SLC15A1: variants seen among roughly 807,000 people sequenced by gnomAD.
SLC15A1 encodes the protein Caco-2 oligopeptide transporter.
In SLC15A1, 83 loss-of-function variants were observed where a neutral mutation model predicts 92.9. The ratio of observed to expected loss-of-function variants is 0.89; its 90% CI spans 0.75 to 1.07. The LOEUF (loss-of-function observed/expected upper bound fraction) is 1.07. Ranked by LOEUF, SLC15A1 falls within the 50% of genes least tolerant of loss-of-function variation. SLC15A1 has a pLI of 0.00. For synonymous variants in SLC15A1, 322 were observed against 318.2 expected, an observed-to-expected ratio of 1.01 and a Z score of -0.13; for missense variants, 857 against 880.1, an observed-to-expected ratio of 0.97 and a Z score of 0.33.
intron 18 of SLC15A1, among the ~76,000 whole-genome samples, chr13:98,698,612 T>C (rs1329347529): frequency 1.3e-5 from 2 of 152,112 alleles, no homozygotes; most frequent in Non-Finnish European, 2.9e-5. Flanking sequence ...AATTTTTGTA[T>C]TTTTAGTAGA....
At chr13:98,687,991 C>A (rs1257787219) in intron 20 of SLC15A1, among the ~76,000 whole-genome samples, 2 of 152,116 alleles carry the variant, frequency 1.3e-5, no homozygotes, top group East Asian at 3.8e-4. Context: ...TCTTTAAGTC[C>A]ATGTTAATAG....
rs2087916054 is a variant in SLC15A1 at position 98,684,648 on chromosome 13, T to C, written c.*76A>G. ...GTCTTCCTCATCAGGGGCCATCCAA[T>C]GGAGTGTCCTGCTACCTGGGGGCAG... On this transcript the variant is annotated 3_prime_UTR_variant, in exon 23 of 23. Transcript: ENST00000376503. 5 of 1,156,384 alleles carry C rather than the reference T, an allele frequency of 4.3e-6. No individual in the cohort carries two copies. In the Admixed American group the frequency reaches 7.6e-5, roughly 18 times the overall value. The allele number at this position is 1,156,384 out of a possible 1,614,324, so 71.6% of individuals were successfully genotyped here. A position where few individuals can be genotyped will look rare whatever the true frequency, so the allele number is the denominator to read the frequency against.
At chr13:98,723,420 G>A (rs1315969806) in intron 5 of SLC15A1, among the ~76,000 whole-genome samples, 1 of 152,214 alleles carries the variant, frequency 6.6e-6, no homozygotes, top group Non-Finnish European at 1.5e-5. Context: ...AGTGAAGCAA[G>A]ATTAATCCAG....
At chr13:98,690,428 A>T (rs771971682) in intron 18 of SLC15A1, among the ~76,000 whole-genome samples, 2 of 152,182 alleles carry the variant, frequency 1.3e-5, no homozygotes, top group Non-Finnish European at 2.9e-5. Context: ...TGCTTTTATC[A>T]AAGATGAAGA....
chr13:98,716,560 T>C (rs1472456476), intron 8 of SLC15A1, among the ~76,000 whole-genome samples: 3 of 150,806 alleles, frequency 2.0e-5, no homozygotes, highest in Non-Finnish European at 4.4e-5. Flanking sequence ...AGGTGGAGGC[T>C]GCAGTGAAAT....
chr13:98,693,099 T>TG (rs973113690), intron 18 of SLC15A1, among the ~76,000 whole-genome samples: 4 of 136,842 alleles, frequency 2.9e-5, no homozygotes, highest in African/African-American at 1.2e-4. Context: ...TTTTTTTTTT[T>TG]TTTTTTTTTT....
chr13:98,721,945 G>T (rs772920727), intron 5 of SLC15A1, 42 bp from the exon 6 acceptor site: 16 of 1,525,262 alleles, frequency 1.0e-5, no homozygotes, highest in Non-Finnish European at 1.4e-5. Context: ...GCAGATCCTC[G>T]CAAGTAGAAG....
intron 4 of SLC15A1, 31 bp downstream of exon 4, chr13:98,726,092 G>T (rs1158713356): frequency 5.0e-6 from 8 of 1,607,658 alleles, no homozygotes; most frequent in South Asian, 3.3e-5. Flanking sequence ...TTTTTCGCTT[G>T]TTTGTGAACA....
Position 98,708,704 on chromosome 13 carries a change from G to A in SLC15A1, c.1131C>T (p.Ile377=), listed in dbSNP as rs746976651. The change falls in exon 15 of 23, where the codon ATC becomes ATT. Residue 377 remains isoleucine (I), a synonymous_variant. Transcript: ENST00000376503. The stretch of plus-strand genomic sequence containing the variant: ...AACTCACATCGATTTCCACCTGCAC[G>A]ATGGCAGCCACCACAAAGGCCATGG... ...LASMAFVVAA[I]VQVEIDKTLP... The A allele has an allele frequency of 1.5e-5, 24 of 1,613,276 alleles. No homozygotes were observed. The African/African-American group carries it at 1.7e-4, about 12-fold the overall frequency.
At chr13:98,741,718 C>T (rs373766128) in intron 1 of SLC15A1, among the ~76,000 whole-genome samples, 4 of 129,258 alleles carry the variant, frequency 3.1e-5, no homozygotes, top group Non-Finnish European at 4.9e-5. Flanking sequence ...AGGGAGACTC[C>T]GTCTCAAAAA....
intron 5 of SLC15A1, among the ~76,000 whole-genome samples, chr13:98,722,567 T>C (rs2088268955): frequency 6.6e-6 from 1 of 152,226 alleles, no homozygotes; most frequent in African/African-American, 2.4e-5. Flanking sequence ...TCTGGTTTTA[T>C]AGGCATGTAT....
intron 15 of SLC15A1, among the ~76,000 whole-genome samples, chr13:98,707,458 C>T (rs2088121517): frequency 6.6e-6 from 1 of 152,046 alleles, no homozygotes; most frequent in Non-Finnish European, 1.5e-5. Context: ...GATTCATAGA[C>T]TCAGAAAGTA....
chr13:98,705,937 G>A (rs1455679982), intron 16 of SLC15A1, among the ~76,000 whole-genome samples, 197 bp downstream of exon 16: 1 of 151,858 alleles, frequency 6.6e-6, no homozygotes, highest in Non-Finnish European at 1.5e-5. Context: ...CAGCTCCCTG[G>A]GCAATCTGCA....
chr13:98,743,947 G>A (rs2088470680), intron 1 of SLC15A1, among the ~76,000 whole-genome samples: 1 of 152,144 alleles, frequency 6.6e-6, no homozygotes, highest in African/African-American at 2.4e-5. Flanking sequence ...CCCACACCCA[G>A]CAGGCAACAG....
chr13:98,724,922 C>T (rs2088286952), intron 4 of SLC15A1, among the ~76,000 whole-genome samples: 1 of 152,196 alleles, frequency 6.6e-6, no homozygotes, highest in Admixed American at 6.5e-5. Flanking sequence ...CTGTCTCCTG[C>T]AAACCTCAAG....
intron 1 of SLC15A1, among the ~76,000 whole-genome samples, chr13:98,749,701 G>C (rs1021649628): frequency 6.6e-6 from 1 of 152,154 alleles, no homozygotes; most frequent in African/African-American, 2.4e-5. Flanking sequence ...GAACCACACA[G>C]ATACCTTGGC....
intron 1 of SLC15A1, among the ~76,000 whole-genome samples, chr13:98,744,521 C>T (rs1394147079): frequency 1.3e-5 from 2 of 151,538 alleles, no homozygotes; most frequent in Non-Finnish European, 2.9e-5. Flanking sequence ...GAGGCCGAGG[C>T]GGGCAGATCA....
At chr13:98,687,453 G>T (rs2087937947) in intron 21 of SLC15A1, 128 bp downstream of exon 21, 2 of 1,097,916 alleles carry the variant, frequency 1.8e-6, no homozygotes, top group African/African-American at 1.6e-5. Context: ...CTTGCTGTAG[G>T]GAAGATACCA....
In SLC15A1 at chr13:98,698,629, G is replaced by C. The variant is rs537504697; in HGVS notation, c.1466+3851C>G. ...TTTTTGTATTTTTAGTAGAGACAGG[G>C]TTTCACCATGTTGACCAGGCTGGTC... is the stretch of plus-strand genomic sequence containing the variant. On this transcript the variant is annotated intron_variant, in intron 18 of 22. Coordinates refer to ENST00000376503, the MANE Select transcript of SLC15A1 (RefSeq NM_005073.4). Among the ~76,000 whole-genome samples, 10 of 152,138 alleles carry C rather than the reference G, an allele frequency of 6.6e-5. 1 individual carries two copies. In the South Asian group the frequency reaches 2.1e-3, roughly 32 times the overall value.
Sources: allele counts gnomAD v4.1 joint callset (sites outside exome capture counted in the v4.1 genomes callset), GRCh38; gene constraint gnomAD v4.1.1; transcripts MANE v1.5; gene names NCBI Gene and HGNC (gene_info 2026-07-23, HGNC 2026-07-21).